Variants in DNAAF1 observed in about 807,000 individuals in gnomAD.
DNAAF1 encodes the protein dynein assembly factor 1, axonemal.
Under a neutral mutation model 71.1 loss-of-function variants are expected in DNAAF1, and 65 were observed. The observed-to-expected ratio is 0.91, with a 90% CI of 0.75 to 1.12. The LOEUF is 1.12. DNAAF1 is among the 50% of genes most tolerant of loss of function. DNAAF1 has a pLI of 0.00. For missense variants in DNAAF1, 1,178 were observed against 899.8 expected, an observed-to-expected ratio of 1.31 and a Z score of -3.96; for synonymous variants, 414 against 354.6, an observed-to-expected ratio of 1.17 and a Z score of -1.88.
In DNAAF1 at chr16:84,170,259, G is replaced by A. The variant is rs375509327; in HGVS notation, c.1431G>A (p.Pro477=). 39 of 1,602,876 alleles carry A rather than the reference G, an allele frequency of 2.4e-5. No homozygotes were observed. The East Asian group carries it at 2.9e-4, about 12-fold the overall frequency. ...TLPAETLLLS[P]PVKVKGEDGD... is the part of the protein sequence containing the mutation. ...CAGCTGAGACCCTGCTACTGTCACC[G>A]CCTGTGAAGGTTAAAGGAGAGGATG... is the stretch of plus-strand genomic sequence containing the variant. The change falls in exon 8 of 12, where the codon CCG becomes CCA. Residue 477 remains proline (P), a synonymous_variant. Transcript: ENST00000378553.
intron 6 of DNAAF1, among the ~76,000 whole-genome samples, chr16:84,165,197 G>A (rs11865176): frequency 0.036 from 5,477 of 152,120 alleles, 299 homozygotes; most frequent in African/African-American, 0.13. Context: ...CTCCCAGTCT[G>A]TAGCCTGCCT....
At position 84,149,147 on chromosome 16, in the gene DNAAF1, G is replaced by A; in HGVS notation, c.260+5G>A. The A allele has an allele frequency of 1.2e-6, 2 of 1,614,084 alleles. No individual in the cohort carries two copies. The highest frequency in any genetic ancestry group is 1.7e-6 in the Non-Finnish European group (2 of 1,180,000). The stretch of plus-strand genomic sequence containing the variant: ...CAGGGAAGATCGGGGCCCCAGGTAT[G>A]TGGGCATACTCCTAATTAGTGCACA... On this transcript the variant is annotated splice_donor_5th_base_variant and intron_variant, in intron 2 of 11. Coordinates refer to ENST00000378553, the MANE Select transcript of DNAAF1 (RefSeq NM_178452.6).
rs564645226 is a variant in DNAAF1, at chr16:84,172,042, T to TA, written c.1529-216dup. Among the ~76,000 whole-genome samples, 30 of 152,176 alleles carry TA rather than the reference T, an allele frequency of 2.0e-4. No homozygotes were observed. In the East Asian group the frequency reaches 3.9e-3, roughly 20 times the overall value. On this transcript the variant is annotated intron_variant, in intron 8 of 11. Coordinates refer to ENST00000378553, the MANE Select transcript of DNAAF1 (RefSeq NM_178452.6). The stretch of plus-strand genomic sequence containing the variant: ...ACAGGTGCCCGCCACCACACCTGGC[T>TA]AATTTTTGCATTTTTAATAGACACG...
Position 84,170,331 on chromosome 16 carries a change from A to G in DNAAF1, c.1503A>G (p.Pro501=), listed in dbSNP as rs756014815. Reference sequence around the variant, plus strand: ...CCCTCCCAGCTGAGGCCCCACCACCACCGCCCCTGGGAGCTGCCAGGGAAG... The same window carrying G: ...CCCTCCCAGCTGAGGCCCCACCACCGCCGCCCCTGGGAGCTGCCAGGGAAG... ...EGTLPAEAPP[P]PPLGAAREEP... The change falls in exon 8 of 12, where the codon CCA becomes CCG. Residue 501 remains proline (P), a synonymous_variant. Coordinates refer to ENST00000378553, the MANE Select transcript of DNAAF1 (RefSeq NM_178452.6). 2.5e-6 allele frequency: 4 copies of G among 1,611,444 alleles called. No homozygotes were observed. In the African/African-American group the frequency reaches 5.3e-5, roughly 22 times the overall value.
rs1243074805 is a variant in DNAAF1 at position 84,154,614 on chromosome 16, G to C, written c.390G>C (p.Gly130=). Reference sequence around the variant, plus strand: ...TTGAGAACCTGGAAGAGTACACAGGGCTGCGCTGTCTCTGGCTGCAGAGCA... The same window carrying C: ...TTGAGAACCTGGAAGAGTACACAGGCCTGCGCTGTCTCTGGCTGCAGAGCA... ...DRIENLEEYT[G]LRCLWLQSNG... is the part of the protein sequence containing the mutation. Residue 130 remains glycine, a synonymous_variant, in exon 4 of 12, where the codon GGG becomes GGC. Transcript: ENST00000378553. The C allele has an allele frequency of 6.2e-7, 1 of 1,614,140 alleles. No individual in the cohort carries two copies. Among genetic ancestry groups the C allele is most frequent in the Non-Finnish European group, 8.5e-7 (1 of 1,180,030 alleles).
At chr16:84,172,214 C>T (rs754458565) in intron 8 of DNAAF1, 46 bp from the exon 9 acceptor site, 1 of 1,576,920 alleles carries the variant, frequency 6.3e-7, no homozygotes, top group Non-Finnish European at 8.7e-7. Flanking sequence ...CGTCCATCTG[C>T]CTGCCGTGTG....
intron 1 of DNAAF1, among the ~76,000 whole-genome samples, 169 bp downstream of exon 1, chr16:84,145,733 A>C (rs2086869210): frequency 6.6e-6 from 1 of 152,194 alleles, no homozygotes; most frequent in Non-Finnish European, 1.5e-5. Flanking sequence ...TTTCGTACTG[A>C]GGAGGAAACA....
At chr16:84,159,870 A>T in intron 6 of DNAAF1, 74 bp downstream of exon 6, 1 of 1,566,556 alleles carries the variant, frequency 6.4e-7, no homozygotes, top group South Asian at 1.1e-5. Flanking sequence ...AACTTTTTAA[A>T]TTTCTGATTC....
At position 84,173,219 on chromosome 16, in the gene DNAAF1, T is replaced by C. The variant is rs1319920408; in HGVS notation, c.1644+844T>C. 3 of 975,504 alleles carry C rather than the reference T, an allele frequency of 3.1e-6. No homozygotes were observed. The African/African-American group carries it at 5.3e-5, about 17-fold the overall frequency. The allele number at this position is 975,504 out of a possible 1,614,324, so 60.4% of individuals were successfully genotyped here. A position where few individuals can be genotyped will look rare whatever the true frequency, so the allele number is the denominator to read the frequency against. On this transcript the variant is annotated intron_variant, in intron 9 of 11. Coordinates refer to ENST00000378553, the MANE Select transcript of DNAAF1 (RefSeq NM_178452.6). The stretch of plus-strand genomic sequence containing the variant: ...TGGCTTACGCCTGTAATCCCAGCAC[T>C]TTGGGAGGCCGAGGTGGCTGGATCA...
Position 84,145,448 on chromosome 16 carries a change from C to A in DNAAF1, c.8C>A (p.Pro3His). Residue 3 changes from proline to histidine, a missense_variant, in exon 1 of 12, where the codon CCT becomes CAT. Coordinates refer to ENST00000378553, the MANE Select transcript of DNAAF1 (RefSeq NM_178452.6). MH[P>H]EPSEPATGGA... ...GGTGTCGCCGAAGTAAACATGCACC[C>A]TGAGCCCTCGGAGCCTGCGACAGGT... The A allele has an allele frequency of 6.3e-7, 1 of 1,581,204 alleles. No individual in the cohort carries two copies. Among genetic ancestry groups the A allele is most frequent in the Admixed American group, 1.8e-5 (1 of 54,230 alleles).
chr16:84,159,548 A>G (rs2151234182), intron 5 of DNAAF1, 127 bp from the exon 6 acceptor site: 1 of 1,285,974 alleles, frequency 7.8e-7, no homozygotes, highest in South Asian at 1.3e-5. Flanking sequence ...TCACCAGGAC[A>G]GGATATTGGC....
At chr16:84,167,773 T>C (rs911657658) in intron 7 of DNAAF1, among the ~76,000 whole-genome samples, 1 of 152,144 alleles carries the variant, frequency 6.6e-6, no homozygotes, top group African/African-American at 2.4e-5. Flanking sequence ...CCCAGCACTT[T>C]GGGAGGCTGA....
intron 11 of DNAAF1, chr16:84,176,600 G>A (rs2088679974): frequency 4.1e-6 from 2 of 487,268 alleles, no homozygotes; most frequent in South Asian, 2.0e-5. Context: ...CTGGGGCGGG[G>A]GCCTAATGAC....
chr16:84,158,095 C>T (rs540610570), intron 5 of DNAAF1, among the ~76,000 whole-genome samples: 1 of 152,096 alleles, frequency 6.6e-6, no homozygotes, highest in Non-Finnish European at 1.5e-5. Flanking sequence ...GTCCCAGCTA[C>T]TCTGGTGGCT....
rs926948604 is a variant in DNAAF1 at position 84,172,705 on chromosome 16, C to G, written c.1644+330C>G. 7.2e-5 allele frequency: 86 copies of G among 1,198,064 alleles called. No individual in the cohort carries two copies. In the Middle Eastern group the frequency reaches 1.8e-3, roughly 25 times the overall value. 74.2% of individuals were successfully genotyped at this position (1,198,064 alleles called of 1,614,324 possible). Reference sequence around the variant, plus strand: ...AAAGAAGCTATCTTGCTAAGTGGTTCTGACTAGTTGCCTTATCCAAATTCG... The same window carrying G: ...AAAGAAGCTATCTTGCTAAGTGGTTGTGACTAGTTGCCTTATCCAAATTCG... On this transcript the variant is annotated intron_variant, in intron 9 of 11. Transcript: ENST00000378553.
chr16:84,163,160 T>G (rs1338634847), intron 6 of DNAAF1, among the ~76,000 whole-genome samples: 1 of 152,238 alleles, frequency 6.6e-6, no homozygotes, highest in Non-Finnish European at 1.5e-5. Flanking sequence ...ATGAAGTTTT[T>G]GTGTGGACAG....
rs1170737480 is a variant in DNAAF1, at chr16:84,172,326, A to T, written c.1595A>T (p.Glu532Val). 1.2e-5 allele frequency: 20 copies of T among 1,614,122 alleles called. No individual in the cohort carries two copies. The highest frequency in any genetic ancestry group is 1.4e-5 in the Non-Finnish European group (16 of 1,180,040). ...ACAGAACTTGATGGAACGAGAACGG[A>T]AGATTTAGAAACCATTAGACTGGAG... is the stretch of plus-strand genomic sequence containing the variant. ...FVTELDGTRT[E>V]DLETIRLETK... The change falls in exon 9 of 12, where the codon GAA (glutamate) becomes GTA (valine). Residue 532 changes from glutamate (E) to valine (V), a missense_variant. Physicochemically the swap from Glu to Val is moderately radical, Grantham distance 121. Transcript: ENST00000378553.
intron 3 of DNAAF1, among the ~76,000 whole-genome samples, chr16:84,153,239 G>T (rs1171705608): frequency 6.6e-6 from 1 of 152,124 alleles, no homozygotes; most frequent in Non-Finnish European, 1.5e-5. Context: ...AATTTTTGTG[G>T]AGAGGGTTTG....
intron 7 of DNAAF1, among the ~76,000 whole-genome samples, chr16:84,169,093 T>C (rs1417822906): frequency 6.9e-6 from 1 of 145,730 alleles, no homozygotes; most frequent in East Asian, 2.0e-4. Context: ...TTTTTTTTTT[T>C]TTTTTTTTTT....
Sources: allele counts gnomAD v4.1 joint callset (sites outside exome capture counted in the v4.1 genomes callset), GRCh38; gene constraint gnomAD v4.1.1; transcripts MANE v1.5; gene names NCBI Gene and HGNC (gene_info 2026-07-23, HGNC 2026-07-21).